Variants in PLS1 observed in about 807,000 individuals in gnomAD.
PLS1 encodes the protein plastin-1.
A neutral mutation model predicts 73.7 loss-of-function variants in PLS1; 32 were observed. The ratio of observed to expected loss-of-function variants is 0.43; its 90% CI spans 0.33 to 0.58. The LOEUF is 0.58. Ranked by LOEUF, PLS1 falls within the 20% of genes least tolerant of loss-of-function variation. The pLI is 0.04. For missense variants in PLS1, 633 were observed against 740.5 expected, an observed-to-expected ratio of 0.85 and a Z score of 1.68; for synonymous variants, 217 against 261.3, an observed-to-expected ratio of 0.83 and a Z score of 1.63.
intron 8 of PLS1, among the ~76,000 whole-genome samples, chr3:142,685,912 C>A (rs1484678599): frequency 1.3e-5 from 2 of 152,172 alleles, no homozygotes; most frequent in Non-Finnish European, 1.5e-5. Context: ...GCAAGGGGTG[C>A]TGTGCACTAC....
intron 1 of PLS1, chr3:142,645,209 C>T (rs1188801383): frequency 6.6e-6 from 1 of 152,122 alleles, no homozygotes; most frequent in Non-Finnish European, 1.5e-5. Context: ...CATAAACTAT[C>T]AAAACTTAGG....
chr3:142,676,543 G>C (rs541546659), intron 5 of PLS1, among the ~76,000 whole-genome samples: 2 of 152,214 alleles, frequency 1.3e-5, no homozygotes, highest in South Asian at 4.2e-4. Flanking sequence ...GGAATCTTTT[G>C]AGTTATTTGT....
chr3:142,711,048 CATGTAAAACAACAAGACA>C (rs1933105409), intron 14 of PLS1, among the ~76,000 whole-genome samples: 1 of 152,074 alleles, frequency 6.6e-6, no homozygotes, highest in Non-Finnish European at 1.5e-5. Context: ...TAAACTAAAA[CATGTAAAACAACAAGACA>C]ATGTCTTTGT....
chr3:142,649,057 G>A (rs1440081277), intron 1 of PLS1, among the ~76,000 whole-genome samples: 1 of 152,006 alleles, frequency 6.6e-6, no homozygotes, highest in African/African-American at 2.4e-5. Context: ...TGATTTTAAC[G>A]ATTTATTGAC....
intron 10 of PLS1, 82 bp downstream of exon 10, chr3:142,689,895 T>C: frequency 2.2e-6 from 2 of 898,924 alleles, no homozygotes; most frequent in African/African-American, 1.7e-5. Flanking sequence ...AGATAGGGGA[T>C]TGTGGTGGGA....
chr3:142,616,725 C>T (rs1253008474), intron 1 of PLS1, among the ~76,000 whole-genome samples: 2 of 152,122 alleles, frequency 1.3e-5, no homozygotes, highest in Admixed American at 1.3e-4. Context: ...GTCTCAGCCT[C>T]CCAAGTAGCT....
intron 1 of PLS1, among the ~76,000 whole-genome samples, chr3:142,612,385 G>C (rs945151018): frequency 6.6e-6 from 1 of 152,228 alleles, no homozygotes; most frequent in Non-Finnish European, 1.5e-5. Flanking sequence ...AAGGTTTAGA[G>C]AATGCTCTGT....
At chr3:142,667,246 C>T (rs1456375236) in intron 2 of PLS1, among the ~76,000 whole-genome samples, 2 of 152,146 alleles carry the variant, frequency 1.3e-5, no homozygotes, top group Admixed American at 1.3e-4. Flanking sequence ...AAAACCCCAT[C>T]TGTACTAAAA....
intron 12 of PLS1, among the ~76,000 whole-genome samples, chr3:142,702,653 A>C (rs1007716259): frequency 2.6e-5 from 4 of 152,206 alleles, no homozygotes; most frequent in Admixed American, 6.5e-5. Context: ...ATACATAAGA[A>C]TTTATAAGTT....
intron 1 of PLS1, chr3:142,656,585 C>G (rs2037242537): frequency 6.6e-6 from 1 of 152,164 alleles, no homozygotes; most frequent in Non-Finnish European, 1.5e-5. Flanking sequence ...ATACAGCTCC[C>G]TGTTGTGAAA....
chr3:142,648,828 C>A (rs747422677), intron 1 of PLS1, among the ~76,000 whole-genome samples: 1 of 152,186 alleles, frequency 6.6e-6, no homozygotes, highest in African/African-American at 2.4e-5. Flanking sequence ...AGCACATTAT[C>A]ATGCCACACA....
At chr3:142,676,800 C>A (rs1218498750) in intron 5 of PLS1, among the ~76,000 whole-genome samples, 1 of 152,168 alleles carries the variant, frequency 6.6e-6, no homozygotes, top group African/African-American at 2.4e-5. Context: ...ACAGTCCCAG[C>A]ATACTTCTTT....
intron 1 of PLS1, among the ~76,000 whole-genome samples, chr3:142,617,906 AG>A (rs1466602990): frequency 6.6e-6 from 1 of 152,186 alleles, no homozygotes; most frequent in Non-Finnish European, 1.5e-5. Context: ...TGAACCCAGG[AG>A]GCAGACGTTG....
chr3:142,606,981 AT>A (rs2036031652), intron 1 of PLS1, among the ~76,000 whole-genome samples: 2 of 152,202 alleles, frequency 1.3e-5, no homozygotes, highest in African/African-American at 2.4e-5. Context: ...GCTGGGTCAT[AT>A]CACTTAGCAT....
intron 1 of PLS1, among the ~76,000 whole-genome samples, chr3:142,660,548 G>C (rs1292164320): frequency 1.3e-5 from 2 of 152,132 alleles, no homozygotes. Flanking sequence ...GGCTGAACGT[G>C]GCTCACCACC....
At chr3:142,609,610 G>A (rs2036082959) in intron 1 of PLS1, among the ~76,000 whole-genome samples, 1 of 152,236 alleles carries the variant, frequency 6.6e-6, no homozygotes, top group African/African-American at 2.4e-5. Flanking sequence ...AGCAACAGAA[G>A]CAGTTAAATC....
rs752575811 is a variant in PLS1 at position 142,670,980 on chromosome 3, T to A, written c.235-13T>A. On this transcript the variant is annotated splice_polypyrimidine_tract_variant and intron_variant, in intron 3 of 15. Coordinates refer to ENST00000457734, the MANE Select transcript of PLS1 (RefSeq NM_001145319.2). ...ATTATCTGATTCTCAATTTTACTTA[T>A]GTTCCATTCCAGCTAATGCAAGAAT... 19 of 1,559,164 alleles carry A rather than the reference T, an allele frequency of 1.2e-5. No homozygotes were observed. Among genetic ancestry groups the A allele is most frequent in the Non-Finnish European group, 1.1e-5 (12 of 1,136,152 alleles).
At chr3:142,706,413 G>A (rs1455874040) in intron 14 of PLS1, among the ~76,000 whole-genome samples, 8 of 152,112 alleles carry the variant, frequency 5.3e-5, no homozygotes, top group Non-Finnish European at 1.2e-4. Flanking sequence ...TGGAGAGAAA[G>A]GGGGATAACA....
intron 4 of PLS1, 62 bp from the exon 5 acceptor site, chr3:142,676,095 G>A: frequency 7.1e-7 from 1 of 1,403,022 alleles, no homozygotes. Context: ...AGCTATGTAT[G>A]TTTTTATAGT....
Sources: allele counts gnomAD v4.1 joint callset (sites outside exome capture counted in the v4.1 genomes callset), GRCh38; gene constraint gnomAD v4.1.1; transcripts MANE v1.5; gene names NCBI Gene and HGNC (gene_info 2026-07-23, HGNC 2026-07-21).